The following THRB variants were observed in gnomAD, a reference collection of about 807,000 sequenced individuals.
The protein encoded by THRB is nuclear receptor subfamily 1 group A member 2.
A neutral mutation model predicts 47.8 loss-of-function variants in THRB; 12 were observed. That is an observed-to-expected ratio of 0.25 (90% CI 0.16 to 0.41). THRB has a LOEUF of 0.41. THRB is among the 10% of genes least tolerant of loss of function. The pLI is 1.00. For missense variants in THRB, 348 were observed against 589.2 expected (o/e 0.59, Z 4.24); for synonymous variants, 218 against 212.2 (o/e 1.03, Z -0.24).
intron 3 of THRB, among the ~76,000 whole-genome samples, chr3:24,274,535 C>A (rs948958432): frequency 6.6e-6 from 1 of 152,110 alleles, no homozygotes; most frequent in Non-Finnish European, 1.5e-5. Context: ...TTGTAATGAA[C>A]AATTTTGGTG....
At chr3:24,156,488 G>A (rs2037859971) in intron 5 of THRB, among the ~76,000 whole-genome samples, 1 of 152,216 alleles carries the variant, frequency 6.6e-6, no homozygotes, top group Non-Finnish European at 1.5e-5. Context: ...GAGAAGAGCT[G>A]AGTTCAGAGA....
intron 1 of THRB, among the ~76,000 whole-genome samples, chr3:24,483,491 G>T (rs940470883): frequency 2.0e-5 from 3 of 147,452 alleles, no homozygotes; most frequent in Non-Finnish European, 4.5e-5. Context: ...TTAAATTTTA[G>T]TTCTCTTTAA....
At chr3:24,240,890 T>C (rs1304683267) in intron 3 of THRB, among the ~76,000 whole-genome samples, 1 of 152,088 alleles carries the variant, frequency 6.6e-6, no homozygotes, top group East Asian at 1.9e-4. Context: ...GGTGCCATCC[T>C]GGTAGGCTGT....
At chr3:24,177,432 T>A (rs1388138932) in intron 5 of THRB, among the ~76,000 whole-genome samples, 1 of 152,134 alleles carries the variant, frequency 6.6e-6, no homozygotes, top group African/African-American at 2.4e-5. Context: ...CAGCATATAG[T>A]ACAGTATTGG....
At chr3:24,340,357 C>T (rs2062548950) in intron 1 of THRB, among the ~76,000 whole-genome samples, 1 of 150,644 alleles carries the variant, frequency 6.6e-6, no homozygotes, top group Non-Finnish European at 1.5e-5. Flanking sequence ...TCTTCCTCCT[C>T]CTCTTGCTCC....
At chr3:24,406,328 T>C (rs2067825373) in intron 1 of THRB, among the ~76,000 whole-genome samples, 1 of 151,796 alleles carries the variant, frequency 6.6e-6, no homozygotes, top group African/African-American at 2.4e-5. Context: ...GTTTGTTACA[T>C]TAAGAGTTTT....
intron 3 of THRB, among the ~76,000 whole-genome samples, chr3:24,265,057 T>A (rs1358718968): frequency 6.6e-6 from 1 of 152,020 alleles, no homozygotes; most frequent in African/African-American, 2.4e-5. Flanking sequence ...ATTAACTGAG[T>A]GGAGAACTGA....
intron 4 of THRB, among the ~76,000 whole-genome samples, chr3:24,206,686 C>G (rs548958418): frequency 2.6e-5 from 4 of 151,998 alleles, no homozygotes; most frequent in African/African-American, 9.7e-5. Flanking sequence ...GATACAAAAA[C>G]CCTTCAAAAA....
intron 1 of THRB, among the ~76,000 whole-genome samples, chr3:24,399,473 A>C (rs2067235003): frequency 1.3e-5 from 2 of 152,078 alleles, no homozygotes. Flanking sequence ...AGGAATAATG[A>C]GAATTGTAAG....
intron 3 of THRB, among the ~76,000 whole-genome samples, chr3:24,273,056 G>T (rs935066360): frequency 6.6e-6 from 1 of 152,038 alleles, no homozygotes; most frequent in African/African-American, 2.4e-5. Context: ...TACAATGGAA[G>T]AATCCGTGTG....
chr3:24,266,651 C>A (rs182911291), intron 3 of THRB, among the ~76,000 whole-genome samples: 7 of 152,174 alleles, frequency 4.6e-5, no homozygotes, highest in African/African-American at 7.2e-5. Context: ...AAAGAGGGAG[C>A]CAGCCAAGCC....
chr3:24,418,841 AT>A (rs1339854112), intron 1 of THRB, among the ~76,000 whole-genome samples: 1 of 151,914 alleles, frequency 6.6e-6, no homozygotes, highest in Non-Finnish European at 1.5e-5. Context: ...TTGGGACTAC[AT>A]TTTTTTCCTC....
chr3:24,411,409 G>A (rs537385086), intron 1 of THRB, among the ~76,000 whole-genome samples: 3 of 151,736 alleles, frequency 2.0e-5, no homozygotes, highest in South Asian at 4.2e-4. Flanking sequence ...GTTTTACTTT[G>A]AGCAATCATA....
At chr3:24,409,011 T>C (rs1406809446) in intron 1 of THRB, among the ~76,000 whole-genome samples, 2 of 151,834 alleles carry the variant, frequency 1.3e-5, no homozygotes, top group Non-Finnish European at 2.9e-5. Context: ...TCTTATGGTT[T>C]ATGAGGTTAC....
intron 1 of THRB, among the ~76,000 whole-genome samples, chr3:24,410,816 AC>A (rs2068227285): frequency 6.6e-6 from 1 of 151,930 alleles, no homozygotes; most frequent in South Asian, 2.1e-4. Context: ...TTAATTCACA[AC>A]AAAATTTTTA....
intron 1 of THRB, among the ~76,000 whole-genome samples, chr3:24,431,838 G>C (rs2070455722): frequency 6.6e-6 from 1 of 151,964 alleles, no homozygotes; most frequent in African/African-American, 2.4e-5. Context: ...TTTATATTCT[G>C]GATGAATACA....
At position 24,345,121 on chromosome 3, in the gene THRB, T is replaced by A. The variant is rs145854506; in HGVS notation, c.-260-7750A>T. Reference sequence around the variant, plus strand: ...TCCTCACTTTCCCTCTCAACACATCTCTTCCGCTGGGTAATTTATACGGTG... The same window carrying A: ...TCCTCACTTTCCCTCTCAACACATCACTTCCGCTGGGTAATTTATACGGTG... On this transcript the variant is annotated intron_variant, in intron 1 of 10. Transcript: ENST00000646209. 9.9e-4 allele frequency among the ~76,000 whole-genome samples: 151 copies of A among 152,266 alleles called. No homozygotes were observed. The South Asian group carries it at 9.9e-3, about 10-fold the overall frequency.
intron 5 of THRB, among the ~76,000 whole-genome samples, chr3:24,164,262 T>C (rs2039323460): frequency 6.6e-6 from 1 of 152,180 alleles, no homozygotes; most frequent in African/African-American, 2.4e-5. Context: ...GAAATTTAAA[T>C]AGCATTATAA....
At chr3:24,233,612 A>AAAGG (rs2048552797) in intron 3 of THRB, among the ~76,000 whole-genome samples, 1 of 151,960 alleles carries the variant, frequency 6.6e-6, no homozygotes, top group African/African-American at 2.4e-5. Flanking sequence ...AGAAAGAAAG[A>AAAGG]AAGAGAAAGA....
Sources: gnomAD v4.1 joint callset for allele counts (sites outside exome capture counted in the v4.1 genomes callset) on GRCh38, gnomAD v4.1.1 for gene constraint, MANE v1.5 for transcripts, NCBI Gene and HGNC (gene_info 2026-07-23, HGNC 2026-07-21) for gene names.